The following MGAM variants were observed in gnomAD, a reference collection of about 807,000 sequenced individuals.
MGAM encodes maltase-glucoamylase.
MGAM carries 253 observed loss-of-function variants against 358.8 expected under a neutral mutation model. The ratio of observed to expected loss-of-function variants is 0.71; its 90% CI spans 0.64 to 0.78. MGAM has a LOEUF of 0.78. MGAM is among the 30% of genes least tolerant of loss of function. The pLI, the probability that MGAM is intolerant of heterozygous loss-of-function variation, is 0.00. For missense variants in MGAM, 3,080 were observed against 3,432.6 expected (o/e 0.90, Z 2.57); for synonymous variants, 1,105 against 1,227.1 (o/e 0.90, Z 2.08).
At chr7:142,081,585 C>A (rs1295440451) in intron 50 of MGAM, among the ~76,000 whole-genome samples, 1 of 146,018 alleles carries the variant, frequency 6.8e-6, no homozygotes, top group Non-Finnish European at 1.6e-5. Flanking sequence ...GGAGAGGAAG[C>A]TGCAACGCCG....
rs532503269 is a variant in MGAM, at chr7:142,079,287, G to A, written c.5847+279G>A. ...CTGCCAGTTAGGCAGGTCAAGTGAG[G>A]GCTTAGGTTTGGACTAAATACTGGA... On this transcript the variant is annotated intron_variant, in intron 49 of 70. Coordinates refer to ENST00000475668, the MANE Select transcript of MGAM (RefSeq NM_001365693.1). 3.4e-5 allele frequency among the ~76,000 whole-genome samples: 5 copies of A among 145,658 alleles called. No individual in the cohort carries two copies. In the South Asian group the frequency reaches 1.1e-3, roughly 32 times the overall value.
Position 142,047,770 on chromosome 7 carries a change from T to C in MGAM, c.2499-15T>C, listed in dbSNP as rs114091863. On this transcript the variant is annotated splice_polypyrimidine_tract_variant and intron_variant, in intron 21 of 70. Transcript: ENST00000475668. ...CTGACTCCTGTCTTTGTGTCTTGAA[T>C]CTTGTTCCCCACAGTCGAAAGAACC... The C allele has an allele frequency of 9.2e-3, 14,804 of 1,605,390 alleles. 486 individuals carry two copies. The highest frequency in any genetic ancestry group is 0.077 in the South Asian group (6,953 of 90,848).
chr7:142,011,106 G>A (rs1374941885), intron 3 of MGAM, among the ~76,000 whole-genome samples: 1 of 152,176 alleles, frequency 6.6e-6, no homozygotes, highest in Non-Finnish European at 1.5e-5. Flanking sequence ...AAATGTTGCA[G>A]AGTAATTAAG....
chr7:142,074,098 C>T lies in MGAM; in HGVS notation c.5200C>T (p.Leu1734Phe), dbSNP rs763549141. Residue 1734 changes from leucine (L) to phenylalanine (F), a missense_variant, in exon 45 of 71, where the codon CTT (leucine) becomes TTT (phenylalanine). Physicochemically the swap from Leu to Phe is conservative, Grantham distance 22. Transcript: ENST00000475668. ...TGTTCCCCACAGTCGAAAGAACCCT[C>T]TTGGTCTTATTATTGCCCTAGATGA... ...LNTHLSRKNP[L>F]GLIIALDENK... The T allele has an allele frequency of 6.5e-7, 1 of 1,542,280 alleles. No individual in the cohort carries two copies. Among genetic ancestry groups the T allele is most frequent in the Admixed American group, 1.7e-5 (1 of 58,272 alleles).
chr7:142,024,696 A>G (rs1806792005), intron 7 of MGAM, among the ~76,000 whole-genome samples: 1 of 152,178 alleles, frequency 6.6e-6, no homozygotes, highest in Non-Finnish European at 1.5e-5. Flanking sequence ...ATTAAAGCAT[A>G]TTGATGGAGC....
In MGAM at chr7:142,067,986, A is replaced by ATT. The variant is rs71913806; in HGVS notation, c.5004+579_5004+580dup. On this transcript the variant is annotated intron_variant, in intron 42 of 70. Coordinates refer to ENST00000475668, the MANE Select transcript of MGAM (RefSeq NM_001365693.1). The stretch of plus-strand genomic sequence containing the variant: ...TATAAATATATATATATATATATAT[A>ATT]TTTTTTTTTTTTTTTTTTTGAGACA... Among the ~76,000 whole-genome samples the ATT allele has an allele frequency of 2.4e-3, 21 of 8,686 alleles. 2 individuals are homozygous for ATT. The highest frequency in any genetic ancestry group is 5.7e-3 in the Admixed American group (2 of 352). 5.7% of individuals were successfully genotyped at this position (8,686 alleles called of 152,430 possible).
At chr7:142,016,737 C>T (rs2950416) in intron 3 of MGAM, among the ~76,000 whole-genome samples, 16,221 of 152,088 alleles carry the variant, frequency 0.11, 1,012 homozygotes, top group East Asian at 0.21. Context: ...GGACTACAGC[C>T]ATGAACCACC....
At chr7:142,055,443 G>C (rs1811415854) in intron 27 of MGAM, 115 bp from the exon 28 acceptor site, 1 of 1,287,126 alleles carries the variant, frequency 7.8e-7, no homozygotes, top group Admixed American at 1.8e-5. Context: ...TTTTGTTTGG[G>C]ATATGAACAG....
In MGAM at chr7:142,096,211, G is replaced by A. The variant is rs1292667380; in HGVS notation, c.7608-120G>A. ...CTGATGAAGCTAGGCCTAGGAAAAA[G>A]GCAAGGATGGCTCAGGGGCAGCTGT... is the stretch of plus-strand genomic sequence containing the variant. On this transcript the variant is annotated intron_variant, in intron 64 of 70. Coordinates refer to ENST00000475668, the MANE Select transcript of MGAM (RefSeq NM_001365693.1). The A allele has an allele frequency of 2.5e-3, 2,610 of 1,044,786 alleles. 24 individuals carry two copies. Among genetic ancestry groups the A allele is most frequent in the Non-Finnish European group, 1.9e-3 (1,284 of 684,136 alleles). 64.7% of individuals were successfully genotyped at this position (1,044,786 alleles called of 1,614,324 possible).
At chr7:142,017,437 T>G (rs1344409009) in intron 3 of MGAM, among the ~76,000 whole-genome samples, 1 of 152,208 alleles carries the variant, frequency 6.6e-6, no homozygotes, top group Non-Finnish European at 1.5e-5. Context: ...TCCCACTTCT[T>G]GCAATGGCTC....
At position 142,038,543 on chromosome 7, in the gene MGAM, C is replaced by T; in HGVS notation, c.2244C>T (p.Asp748=). 1 of 1,609,908 alleles carries T rather than the reference C, an allele frequency of 6.2e-7. No individual in the cohort carries two copies. The change falls in exon 19 of 71, where the codon GAC becomes GAT. Residue 748 remains aspartate, a synonymous_variant. Coordinates refer to ENST00000475668, the MANE Select transcript of MGAM (RefSeq NM_001365693.1). The part of the protein sequence containing the change: ...ARPLLHEFYE[D]NSTWDVHQQF... ...CTCTGGTTTTCAGGTTCTACGAGGA[C>T]AACAGCACTTGGGATGTGCACCAAC...
In MGAM at chr7:142,065,851, C is replaced by G. The variant is rs1200382467; in HGVS notation, c.4770+20C>G. The G allele has an allele frequency of 2.7e-6, 4 of 1,484,242 alleles. No individual in the cohort carries two copies. Among genetic ancestry groups the G allele is most frequent in the Non-Finnish European group, 3.7e-6 (4 of 1,068,862 alleles). 91.9% of individuals were successfully genotyped at this position (1,484,242 alleles called of 1,614,324 possible). On this transcript the variant is annotated intron_variant, in intron 40 of 70. Transcript: ENST00000475668. ...ACCAGGGTAGGACAGTGGCTTCTAC[C>G]TCCACTGTTTTATGTCACTTGAAAG...
intron 13 of MGAM, among the ~76,000 whole-genome samples, chr7:142,032,011 AT>A (rs1396387035): frequency 6.1e-5 from 9 of 147,908 alleles, no homozygotes; most frequent in South Asian, 2.1e-4. Flanking sequence ...GAAACTCAGA[AT>A]TTTTTTTCCC....
chr7:142,097,548 T>A, intron 65 of MGAM, 45 bp from the exon 66 acceptor site: 1 of 1,574,392 alleles, frequency 6.4e-7, no homozygotes, highest in Non-Finnish European at 8.7e-7. Context: ...TTCTCTGTCC[T>A]GGAAAATGGT....
Position 142,062,707 on chromosome 7 carries a change from G to A in MGAM, c.4257+5G>A. The stretch of plus-strand genomic sequence containing the variant: ...AAGTTTGATGGCATGTGGATTGTAA[G>A]TGTGTGTGTGTCTCTGTGTACCAGT... On this transcript the variant is annotated splice_donor_5th_base_variant and intron_variant, in intron 35 of 70. Coordinates refer to ENST00000475668, the MANE Select transcript of MGAM (RefSeq NM_001365693.1). The A allele has an allele frequency of 6.2e-7, 1 of 1,605,816 alleles. No individual in the cohort carries two copies.
chr7:142,105,414 A>G (rs2129069420), intron 70 of MGAM, among the ~76,000 whole-genome samples: 1 of 151,746 alleles, frequency 6.6e-6, no homozygotes, highest in East Asian at 1.9e-4. Flanking sequence ...TAGCCTCCCT[A>G]GTAGCTGGGA....
intron 3 of MGAM, among the ~76,000 whole-genome samples, chr7:142,014,677 A>G (rs936083750): frequency 3.3e-5 from 5 of 152,064 alleles, no homozygotes; most frequent in Admixed American, 2.6e-4. Flanking sequence ...TTCAACCTTT[A>G]CTACCTCTAT....
intron 21 of MGAM, among the ~76,000 whole-genome samples, chr7:142,045,175 TATAAC>T (rs1209465609): frequency 3.5e-5 from 3 of 85,110 alleles, no homozygotes; most frequent in African/African-American, 1.7e-4. Context: ...ATATATATTA[TATAAC>T]ATATATGATA....
intron 43 of MGAM, among the ~76,000 whole-genome samples, chr7:142,069,315 T>G (rs1813131091): frequency 6.9e-6 from 1 of 145,788 alleles, no homozygotes; most frequent in African/African-American, 2.4e-5. Flanking sequence ...ATAGTTTCAT[T>G]GCTAGTATGA....
Sources: allele counts gnomAD v4.1 joint callset (sites outside exome capture counted in the v4.1 genomes callset), GRCh38; gene constraint gnomAD v4.1.1; transcripts MANE v1.5; gene names NCBI Gene and HGNC (gene_info 2026-07-23, HGNC 2026-07-21).